The following PRKCA variants were observed in gnomAD, a reference collection of about 807,000 sequenced individuals.
PRKCA encodes the protein protein kinase C alpha.
A neutral mutation model predicts 87.0 loss-of-function variants in PRKCA; 27 were observed. The observed-to-expected ratio is 0.31, with a 90% CI of 0.23 to 0.43. PRKCA has a LOEUF of 0.43. Ranked by LOEUF, PRKCA falls within the 20% of genes least tolerant of loss-of-function variation. PRKCA has a pLI of 1.00. For synonymous variants in PRKCA, 329 were observed against 311.1 expected (o/e 1.06, Z -0.61); for missense variants, 518 against 852.3 (o/e 0.61, Z 4.88).
At chr17:66,632,780 A>G (rs1971057252) in intron 3 of PRKCA, among the ~76,000 whole-genome samples, 1 of 152,200 alleles carries the variant, frequency 6.6e-6, no homozygotes, top group South Asian at 2.1e-4. Context: ...GGAGTATTCC[A>G]TAGTATAAAT....
intron 2 of PRKCA, among the ~76,000 whole-genome samples, chr17:66,437,386 C>A (rs1222474029): frequency 1.3e-5 from 2 of 152,172 alleles, no homozygotes; most frequent in Non-Finnish European, 2.9e-5. Context: ...AAACTTCCAG[C>A]ATTTTGTTTT....
At chr17:66,333,408 G>C (rs187975970) in intron 2 of PRKCA, among the ~76,000 whole-genome samples, 1,665 of 152,240 alleles carry the variant, frequency 0.011, 15 homozygotes, top group Middle Eastern at 0.034. Flanking sequence ...CTGATAAATA[G>C]TTCAAGGATA....
At chr17:66,641,975 G>A (rs2143802756) in intron 4 of PRKCA, among the ~76,000 whole-genome samples, 1 of 152,246 alleles carries the variant, frequency 6.6e-6, no homozygotes, top group East Asian at 1.9e-4. Context: ...GACCCAGCAT[G>A]TTTATGGACG....
intron 3 of PRKCA, among the ~76,000 whole-genome samples, chr17:66,551,946 T>G (rs994285829): frequency 2.6e-5 from 4 of 152,162 alleles, no homozygotes; most frequent in African/African-American, 9.7e-5. Flanking sequence ...GAGGTTTCTT[T>G]AAATGCCAAA....
intron 2 of PRKCA, among the ~76,000 whole-genome samples, chr17:66,386,196 C>A (rs1211856298): frequency 6.6e-6 from 1 of 152,166 alleles, no homozygotes; most frequent in Non-Finnish European, 1.5e-5. Flanking sequence ...TCCTACAGTT[C>A]TGAGACTTGC....
At chr17:66,741,332 A>T (rs547623633) in intron 11 of PRKCA, among the ~76,000 whole-genome samples, 53 of 152,182 alleles carry the variant, frequency 3.5e-4, no homozygotes, top group African/African-American at 1.3e-3. Flanking sequence ...TTTACGCCAT[A>T]CTCCTGATAT....
chr17:66,758,464 A>G (rs561766071), intron 13 of PRKCA, among the ~76,000 whole-genome samples: 1 of 152,336 alleles, frequency 6.6e-6, no homozygotes, highest in Non-Finnish European at 1.5e-5. Context: ...GACACAATAC[A>G]GATGGTCCCC....
intron 3 of PRKCA, among the ~76,000 whole-genome samples, chr17:66,528,947 AATG>A (rs1967443810): frequency 6.6e-6 from 1 of 152,172 alleles, no homozygotes; most frequent in Admixed American, 6.5e-5. Context: ...TTCAAGTACA[AATG>A]ATGAATAAGC....
intron 16 of PRKCA, among the ~76,000 whole-genome samples, chr17:66,800,741 C>T (rs1051121487): frequency 6.6e-6 from 1 of 152,214 alleles, no homozygotes; most frequent in Non-Finnish European, 1.5e-5. Context: ...AAATTTAGAG[C>T]AGGACAGACA....
intron 8 of PRKCA, among the ~76,000 whole-genome samples, chr17:66,710,186 A>G (rs1973288867): frequency 6.6e-6 from 1 of 151,854 alleles, no homozygotes; most frequent in African/African-American, 2.4e-5. Flanking sequence ...TACCCCTCCA[A>G]GGGTCAAATG....
chr17:66,798,392 G>GTGGTGGTGGTGGTGGTGGTGGTGA (rs1975723455), intron 16 of PRKCA, among the ~76,000 whole-genome samples: 1 of 117,196 alleles, frequency 8.5e-6, no homozygotes, highest in Non-Finnish European at 1.7e-5. Flanking sequence ...GGTGGTGGTG[G>GTGGTGGTGGTGGTGGTGGTGGTGA]TGGTGGTGGT....
At chr17:66,509,178 ATGTGTGTGTGTG>A (rs35472661) in intron 3 of PRKCA, among the ~76,000 whole-genome samples, 3 of 147,060 alleles carry the variant, frequency 2.0e-5, no homozygotes, top group East Asian at 2.0e-4. Flanking sequence ...GTGTGTGTGT[ATGTGTGTGTGTG>A]TGTGTGTGTG....
At chr17:66,491,440 C>T (rs1363439443) in intron 2 of PRKCA, among the ~76,000 whole-genome samples, 1 of 152,230 alleles carries the variant, frequency 6.6e-6, no homozygotes, top group Non-Finnish European at 1.5e-5. Flanking sequence ...TTCCATGACA[C>T]GTCTCCACTT....
At chr17:66,745,917 C>A (rs548103967) in intron 13 of PRKCA, among the ~76,000 whole-genome samples, 1 of 152,194 alleles carries the variant, frequency 6.6e-6, no homozygotes, top group South Asian at 2.1e-4. Context: ...GAGCGACTCA[C>A]GTATCCAGAC....
intron 3 of PRKCA, among the ~76,000 whole-genome samples, chr17:66,499,741 A>G (rs1001106881): frequency 1.3e-5 from 2 of 152,206 alleles, no homozygotes; most frequent in Non-Finnish European, 2.9e-5. Flanking sequence ...TTACACTTAA[A>G]ATATCCTTGA....
At chr17:66,731,340 AC>A (rs1351923884) in intron 8 of PRKCA, among the ~76,000 whole-genome samples, 1 of 132,714 alleles carries the variant, frequency 7.5e-6, no homozygotes, top group Non-Finnish European at 1.5e-5. Flanking sequence ...CAAGAGCAAA[AC>A]TCCGTCTCAG....
intron 13 of PRKCA, among the ~76,000 whole-genome samples, chr17:66,765,485 T>TAC: frequency 7.0e-6 from 1 of 142,324 alleles, no homozygotes; most frequent in African/African-American, 2.6e-5. Context: ...TCCATATATA[T>TAC]ATATTTGTCT....
rs1386468707 is a variant in PRKCA at position 66,620,644 on chromosome 17, GA to G, written c.289-20709del. Among the ~76,000 whole-genome samples, 3 of 152,332 alleles carry G rather than the reference GA, an allele frequency of 2.0e-5. No homozygotes were observed. In the East Asian group the frequency reaches 5.8e-4, roughly 29 times the overall value. On this transcript the variant is annotated intron_variant, in intron 3 of 16. Coordinates refer to ENST00000413366, the MANE Select transcript of PRKCA (RefSeq NM_002737.3). ...CCTAGCAGTGTCTGCTACTGGAAGG[GA>G]ATTCAGGCCCAGGAAGTGAAAACCG...
In PRKCA at chr17:66,573,288, G is replaced by A. The variant is rs574538009; in HGVS notation, c.289-68067G>A. On this transcript the variant is annotated intron_variant, in intron 3 of 16. Transcript: ENST00000413366. ...GCCTTTTCATTGCAAGAGTGAAAAC[G>A]AGAGATAAAGGAGGTTTTTTCCTGA... Among the ~76,000 whole-genome samples, 8 of 152,266 alleles carry A rather than the reference G, an allele frequency of 5.3e-5. No individual in the cohort carries two copies. In the South Asian group the frequency reaches 1.2e-3, roughly 24 times the overall value.
Sources: gnomAD v4.1 joint callset for allele counts (sites outside exome capture counted in the v4.1 genomes callset) on GRCh38, gnomAD v4.1.1 for gene constraint, MANE v1.5 for transcripts, NCBI Gene and HGNC (gene_info 2026-07-23, HGNC 2026-07-21) for gene names.